The following FMNL2 variants were observed in gnomAD, a reference collection of about 807,000 sequenced individuals.
FMNL2 encodes formin like 2.
Under a neutral mutation model 130.2 loss-of-function variants are expected in FMNL2, and 51 were observed. The observed-to-expected ratio is 0.39, with a 90% CI of 0.31 to 0.49. FMNL2 has a LOEUF of 0.49. Among genes scored for constraint, FMNL2 ranks in the 20% least tolerant of loss-of-function variants. The pLI is 0.85. For missense variants in FMNL2, 977 were observed against 1,316.2 expected (o/e 0.74, Z 3.99); for synonymous variants, 465 against 467.1 (o/e 1.00, Z 0.06).
intron 1 of FMNL2, among the ~76,000 whole-genome samples, chr2:152,360,755 T>C (rs13425532): frequency 0.051 from 7,808 of 152,250 alleles, 363 homozygotes; most frequent in African/African-American, 0.11. Context: ...CATTCTATTC[T>C]TTTAAAACAT....
At chr2:152,347,270 G>T (rs182468634) in intron 1 of FMNL2, among the ~76,000 whole-genome samples, 14 of 152,180 alleles carry the variant, frequency 9.2e-5, no homozygotes, top group Middle Eastern at 3.4e-3. Context: ...TCATGTGGAA[G>T]AGAGTAGGCC....
chr2:152,576,876 G>A (rs1447630971), intron 7 of FMNL2, among the ~76,000 whole-genome samples: 1 of 152,218 alleles, frequency 6.6e-6, no homozygotes, highest in African/African-American at 2.4e-5. Flanking sequence ...GAATGAGTAA[G>A]AGGGAGAAGA....
At chr2:152,387,637 A>T (rs1684855929) in intron 1 of FMNL2, among the ~76,000 whole-genome samples, 1 of 151,780 alleles carries the variant, frequency 6.6e-6, no homozygotes, top group Admixed American at 6.6e-5. Flanking sequence ...TTGTTTTTTA[A>T]ATGTGTGTGT....
intron 1 of FMNL2, among the ~76,000 whole-genome samples, chr2:152,453,226 T>A (rs1211083177): frequency 3.8e-5 from 4 of 105,452 alleles, no homozygotes; most frequent in Admixed American, 9.8e-5. Flanking sequence ...GGGGTGGGGG[T>A]GGGGATTACA....
chr2:152,582,416 C>A (rs1457490085), intron 9 of FMNL2, among the ~76,000 whole-genome samples: 1 of 152,204 alleles, frequency 6.6e-6, no homozygotes, highest in African/African-American at 2.4e-5. Flanking sequence ...GCATTGCCTC[C>A]TTACTGCTAG....
At chr2:152,335,759 C>T in intron 1 of FMNL2, 39 bp downstream of exon 1, 1 of 1,460,318 alleles carries the variant, frequency 6.8e-7, no homozygotes, top group Middle Eastern at 2.0e-4. Flanking sequence ...GGACCCGGGG[C>T]CCCGGGCCGG....
chr2:152,357,120 T>C (rs1334339398), intron 1 of FMNL2, among the ~76,000 whole-genome samples: 1 of 132,428 alleles, frequency 7.6e-6, no homozygotes, highest in Admixed American at 8.0e-5. Flanking sequence ...CGATAAATAT[T>C]ACATCAGTTT....
intron 1 of FMNL2, among the ~76,000 whole-genome samples, chr2:152,375,897 A>ATATATATT: frequency 8.3e-6 from 1 of 119,906 alleles, no homozygotes; most frequent in Admixed American, 8.0e-5. Context: ...ATATATATAT[A>ATATATATT]ATTATTATTA....
chr2:152,547,419 T>C (rs76762063), intron 3 of FMNL2, among the ~76,000 whole-genome samples: 9,120 of 152,268 alleles, frequency 0.06, 418 homozygotes, highest in East Asian at 0.21. Context: ...GACATTTTTA[T>C]TTCCTACTTC....
chr2:152,501,753 A>T (rs1389066131), intron 1 of FMNL2, among the ~76,000 whole-genome samples: 2 of 152,048 alleles, frequency 1.3e-5, no homozygotes, highest in African/African-American at 4.8e-5. Flanking sequence ...CTCCATTTAG[A>T]AGGAAGACGA....
rs147010912 is a variant in FMNL2 at position 152,557,194 on chromosome 2, A to T, written c.360-1546A>T. Among the ~76,000 whole-genome samples the T allele has an allele frequency of 5.5e-3, 834 of 152,256 alleles. 9 individuals carry two copies. The highest frequency in any genetic ancestry group is 0.019 in the African/African-American group (801 of 41,538). ...TAAAATAAATAAAAAATAAGTATCT[A>T]GTAGGTGCTGTGAGATTGTGTATGT... On this transcript the variant is annotated intron_variant, in intron 4 of 25. Transcript: ENST00000288670.
At chr2:152,385,196 A>G (rs573272988) in intron 1 of FMNL2, among the ~76,000 whole-genome samples, 1 of 152,352 alleles carries the variant, frequency 6.6e-6, no homozygotes, top group South Asian at 2.1e-4. Flanking sequence ...TTTTGGTGCT[A>G]AAAGAACACA....
At chr2:152,607,513 A>T in intron 10 of FMNL2, 100 bp downstream of exon 10, 2 of 852,882 alleles carry the variant, frequency 2.3e-6, no homozygotes, top group South Asian at 1.6e-5. Context: ...ACACATATTT[A>T]TATTACAAAG....
intron 1 of FMNL2, among the ~76,000 whole-genome samples, chr2:152,450,717 C>T (rs1688594145): frequency 6.6e-6 from 1 of 152,208 alleles, no homozygotes; most frequent in South Asian, 2.1e-4. Flanking sequence ...GCATCTCCTC[C>T]TGCTGTCTGA....
chr2:152,618,971 C>T lies in FMNL2; in HGVS notation c.1440C>T (p.Thr480=). ...TTCATGAGCTAGAGAAACAAGGGAC[C>T]ATTAAAATTCAGAAGAAAGGGGATG... ...KKIHELEKQG[T]IKIQKKGDGD... The change falls in exon 14 of 26, where the codon ACC becomes ACT. Residue 480 remains threonine, a synonymous_variant. Transcript: ENST00000288670. The T allele has an allele frequency of 6.2e-7, 1 of 1,614,014 alleles. No individual in the cohort carries two copies. The highest frequency in any genetic ancestry group is 8.5e-7 in the Non-Finnish European group (1 of 1,179,894).
At chr2:152,645,948 C>G (rs887520892) in intron 25 of FMNL2, among the ~76,000 whole-genome samples, 1 of 152,164 alleles carries the variant, frequency 6.6e-6, no homozygotes, top group African/African-American at 2.4e-5. Flanking sequence ...AAGTGTAATT[C>G]TGGCCTTTCA....
chr2:152,643,516 T>C, intron 25 of FMNL2: 1 of 1,536,136 alleles, frequency 6.5e-7, no homozygotes, highest in Non-Finnish European at 8.7e-7. Flanking sequence ...ACTAAACTAT[T>C]ACTCTTTCTC....
chr2:152,569,175 A>G (rs1696028460), intron 6 of FMNL2, among the ~76,000 whole-genome samples: 1 of 149,512 alleles, frequency 6.7e-6, no homozygotes, highest in South Asian at 2.1e-4. Flanking sequence ...CATGACTTTA[A>G]CCAGAACACT....
At chr2:152,492,380 A>G (rs1351023978) in intron 1 of FMNL2, among the ~76,000 whole-genome samples, 1 of 152,256 alleles carries the variant, frequency 6.6e-6, no homozygotes, top group African/African-American at 2.4e-5. Flanking sequence ...GCATAGTATC[A>G]GAAATATTTC....
Sources: gnomAD v4.1 joint callset for allele counts (sites outside exome capture counted in the v4.1 genomes callset) on GRCh38, gnomAD v4.1.1 for gene constraint, MANE v1.5 for transcripts, NCBI Gene and HGNC (gene_info 2026-07-23, HGNC 2026-07-21) for gene names.